The following COL25A1 variants were observed in gnomAD, a reference collection of about 807,000 sequenced individuals.
COL25A1 encodes the protein collagen type XXV alpha 1 chain, also known as collagen alpha-1(XXV) chain.
Under a neutral mutation model 128.4 loss-of-function variants are expected in COL25A1, and 103 were observed. That is an observed-to-expected ratio of 0.80 (90% CI 0.68 to 0.94). The LOEUF is 0.94. Ranked by LOEUF, COL25A1 falls within the 40% of genes least tolerant of loss-of-function variation. The pLI is 0.00. For synonymous variants in COL25A1, 279 were observed against 277.2 expected (o/e 1.01, Z -0.06); for missense variants, 745 against 840.0 (o/e 0.89, Z 1.40).
intron 13 of COL25A1, among the ~76,000 whole-genome samples, chr4:108,912,793 A>T (rs1429289448): frequency 1.3e-5 from 2 of 152,176 alleles, no homozygotes; most frequent in East Asian, 3.8e-4. Flanking sequence ...TATTCTCTAA[A>T]TATACTTACA....
rs543828475 is a variant in COL25A1, at chr4:109,051,434, A to C, written c.368-1255T>G. 3.3e-5 allele frequency among the ~76,000 whole-genome samples: 5 copies of C among 152,328 alleles called. 1 individual carries two copies. The East Asian group carries it at 9.6e-4, about 29-fold the overall frequency. ...GAGAATAAGCTTTGTAGCAAAGTCC[A>C]AAACTGCCAATAGAAATTTCAGATT... is the stretch of plus-strand genomic sequence containing the variant. On this transcript the variant is annotated intron_variant, in intron 3 of 37. Coordinates refer to ENST00000399132, the MANE Select transcript of COL25A1 (RefSeq NM_198721.4).
intron 8 of COL25A1, among the ~76,000 whole-genome samples, chr4:108,966,001 T>G (rs1174543157): frequency 1.3e-5 from 2 of 152,284 alleles, no homozygotes; most frequent in East Asian, 3.9e-4. Context: ...TTAAAAAATT[T>G]TTAAGACTGG....
intron 5 of COL25A1, among the ~76,000 whole-genome samples, chr4:109,022,616 C>A (rs1757878672): frequency 6.6e-6 from 1 of 152,108 alleles, no homozygotes; most frequent in African/African-American, 2.4e-5. Context: ...GAAAATGCAT[C>A]ATAATTTTCA....
intron 3 of COL25A1, among the ~76,000 whole-genome samples, chr4:109,113,623 T>TAAAGCTGTTTA (rs745411710): frequency 0.11 from 16,588 of 152,074 alleles, 1,148 homozygotes; most frequent in African/African-American, 0.19. Context: ...TTATGGTAAA[T>TAAAGCTGTTTA]TGGGCAATAA....
At position 108,846,102 on chromosome 4, in the gene COL25A1, T is replaced by C. The variant is rs114668456; in HGVS notation, c.1515+37A>G. On this transcript the variant is annotated intron_variant, in intron 28 of 37. Transcript: ENST00000399132. ...TTAATTTATCTTAATAAGAACATAA[T>C]ATAAAAAGTATAAACAAACAGAAAG... is the stretch of plus-strand genomic sequence containing the variant. The C allele has an allele frequency of 4.6e-4, 598 of 1,294,298 alleles. No homozygotes were observed. In the African/African-American group the frequency reaches 8.0e-3, roughly 17 times the overall value. The allele number at this position is 1,294,298 out of a possible 1,614,324, so 80.2% of individuals were successfully genotyped here.
At chr4:109,025,448 G>A in intron 5 of COL25A1, among the ~76,000 whole-genome samples, 1 of 152,188 alleles carries the variant, frequency 6.6e-6, no homozygotes, top group South Asian at 2.1e-4. Flanking sequence ...CTTTCAGTCT[G>A]ATTAAATTTA....
In COL25A1 at chr4:108,896,914, T is replaced by C. The variant is rs546421121; in HGVS notation, c.862-203A>G. On this transcript the variant is annotated intron_variant, in intron 15 of 37. Coordinates refer to ENST00000399132, the MANE Select transcript of COL25A1 (RefSeq NM_198721.4). ...ACTACAACTAACATGGCTGAACAGT[T>C]TTAAACTATTCCACAGTATTAACAG... is the stretch of plus-strand genomic sequence containing the variant. 5.0e-4 allele frequency among the ~76,000 whole-genome samples: 76 copies of C among 152,346 alleles called. No individual in the cohort carries two copies. The South Asian group carries it at 0.016, about 31-fold the overall frequency.
At chr4:108,814,337 G>A (rs1395267718) in intron 37 of COL25A1, among the ~76,000 whole-genome samples, 1 of 152,182 alleles carries the variant, frequency 6.6e-6, no homozygotes, top group African/African-American at 2.4e-5. Context: ...TACAACTGTG[G>A]AAAGGGCTGA....
chr4:109,142,577 T>G (rs1218109506), intron 3 of COL25A1, among the ~76,000 whole-genome samples: 2 of 152,164 alleles, frequency 1.3e-5, no homozygotes, highest in Admixed American at 6.5e-5. Flanking sequence ...AAGAACTTAC[T>G]TTATGACTCT....
intron 31 of COL25A1, among the ~76,000 whole-genome samples, chr4:108,833,636 A>G (rs942123384): frequency 6.6e-6 from 1 of 152,178 alleles, no homozygotes; most frequent in Non-Finnish European, 1.5e-5. Flanking sequence ...TAGTATTCCC[A>G]TTTCTGTTCT....
rs75000575 is a variant in COL25A1 at position 109,253,787 on chromosome 4, C to G, written c.367+46796G>C. On this transcript the variant is annotated intron_variant, in intron 3 of 37. Coordinates refer to ENST00000399132, the MANE Select transcript of COL25A1 (RefSeq NM_198721.4). ...TAGAAAAATAAAATATTTCTGTTTA[C>G]AGGATTTTTAAACATTTAGGCCGGG... Among the ~76,000 whole-genome samples the G allele has an allele frequency of 7.7e-3, 1,178 of 152,230 alleles. 61 individuals carry two copies. In the South Asian group the frequency reaches 0.14, roughly 18 times the overall value.
chr4:108,820,655 G>A (rs2125709261), intron 35 of COL25A1, among the ~76,000 whole-genome samples: 1 of 151,170 alleles, frequency 6.6e-6, no homozygotes, highest in Admixed American at 6.6e-5. Flanking sequence ...CTCTCTTACT[G>A]ATCTCATGCC....
At chr4:109,123,159 T>G (rs1768266279) in intron 3 of COL25A1, among the ~76,000 whole-genome samples, 1 of 152,006 alleles carries the variant, frequency 6.6e-6, no homozygotes, top group Non-Finnish European at 1.5e-5. Context: ...GGGCAGAATA[T>G]TCACATAAAT....
At chr4:109,083,664 A>G (rs1764085875) in intron 3 of COL25A1, among the ~76,000 whole-genome samples, 1 of 151,556 alleles carries the variant, frequency 6.6e-6, no homozygotes, top group African/African-American at 2.4e-5. Flanking sequence ...GGGTTTCACT[A>G]TGTTAGCCAG....
At chr4:108,957,182 A>C (rs1578886749) in intron 8 of COL25A1, among the ~76,000 whole-genome samples, 1 of 152,174 alleles carries the variant, frequency 6.6e-6, no homozygotes, top group African/African-American at 2.4e-5. Context: ...ATTATCCTTT[A>C]AGGAGGACAT....
intron 3 of COL25A1, among the ~76,000 whole-genome samples, chr4:109,168,590 A>C (rs936716730): frequency 1.3e-5 from 2 of 152,160 alleles, no homozygotes; most frequent in Non-Finnish European, 2.9e-5. Context: ...TCTAAACTCA[A>C]AATATACCGA....
rs191793644 is a variant in COL25A1, at chr4:109,299,562, G to A, written c.367+1021C>T. On this transcript the variant is annotated intron_variant, in intron 3 of 37. Transcript: ENST00000399132. ...CTGCCAAAACAAGTTATCATGAGGG[G>A]GAAACGTTTCAGAATATGAAAAAAT... is the stretch of plus-strand genomic sequence containing the variant. Among the ~76,000 whole-genome samples the A allele has an allele frequency of 7.9e-5, 12 of 152,002 alleles. 1 individual carries two copies. The highest frequency in any genetic ancestry group is 2.7e-4 in the African/African-American group (11 of 41,466).
intron 6 of COL25A1, among the ~76,000 whole-genome samples, chr4:108,994,053 T>A (rs1026228554): frequency 1.3e-5 from 2 of 152,080 alleles, no homozygotes; most frequent in African/African-American, 4.8e-5. Flanking sequence ...AGAAGACAGA[T>A]GATTTCTGCA....
intron 3 of COL25A1, among the ~76,000 whole-genome samples, chr4:109,218,291 T>C (rs1778150218): frequency 6.6e-6 from 1 of 151,874 alleles, no homozygotes; most frequent in Non-Finnish European, 1.5e-5. Context: ...GACTTATTAA[T>C]GTACCATTAA....
Sources: allele counts gnomAD v4.1 joint callset (sites outside exome capture counted in the v4.1 genomes callset), GRCh38; gene constraint gnomAD v4.1.1; transcripts MANE v1.5; gene names NCBI Gene and HGNC (gene_info 2026-07-23, HGNC 2026-07-21).